The following PDE3A variants were observed in gnomAD, a reference collection of about 807,000 sequenced individuals.
PDE3A encodes phosphodiesterase 3A.
A neutral mutation model predicts 98.3 loss-of-function variants in PDE3A; 43 were observed. The ratio of observed to expected loss-of-function variants is 0.44; its 90% CI spans 0.34 to 0.56. The LOEUF is 0.56. PDE3A is among the 20% of genes least tolerant of loss of function. The pLI, the probability that PDE3A is intolerant of heterozygous loss-of-function variation, is 0.01. For synonymous variants in PDE3A, 663 were observed against 567.9 expected, an observed-to-expected ratio of 1.17 and a Z score of -2.38; for missense variants, 1,427 against 1,440.7, an observed-to-expected ratio of 0.99 and a Z score of 0.15.
At chr12:20,431,633 G>GCACACACACA (rs1274089406) in intron 1 of PDE3A, among the ~76,000 whole-genome samples, 1 of 147,366 alleles carries the variant, frequency 6.8e-6, no homozygotes, top group African/African-American at 2.5e-5. Flanking sequence ...GCACACACAC[G>GCACACACACA]CACGCACAAA....
At chr12:20,391,251 C>G (rs983926320) in intron 1 of PDE3A, among the ~76,000 whole-genome samples, 4 of 151,322 alleles carry the variant, frequency 2.6e-5, no homozygotes, top group African/African-American at 9.7e-5. Context: ...TAGATGCTTA[C>G]TATAGTTTGT....
intron 1 of PDE3A, among the ~76,000 whole-genome samples, chr12:20,400,705 A>G (rs1419135628): frequency 6.6e-6 from 1 of 152,174 alleles, no homozygotes; most frequent in Non-Finnish European, 1.5e-5. Context: ...GGCGTGAGCC[A>G]CTGCGCCCGG....
intron 1 of PDE3A, among the ~76,000 whole-genome samples, chr12:20,440,882 A>G (rs1944859394): frequency 6.6e-6 from 1 of 151,334 alleles, no homozygotes; most frequent in South Asian, 2.1e-4. Context: ...CCATTTTAGA[A>G]TGACTTCACC....
intron 1 of PDE3A, among the ~76,000 whole-genome samples, chr12:20,373,379 T>G (rs942123643): frequency 5.9e-5 from 9 of 152,238 alleles, no homozygotes; most frequent in Non-Finnish European, 1.3e-4. Flanking sequence ...AACATGGGAA[T>G]ATACAGAGGT....
chr12:20,506,099 GGTGTGT>G (rs56148951), intron 1 of PDE3A, among the ~76,000 whole-genome samples: 41,748 of 148,788 alleles, frequency 0.28, 6,464 homozygotes, highest in East Asian at 0.54. Flanking sequence ...TCTAAAGGAA[GGTGTGT>G]GTGTGTGTGT....
intron 1 of PDE3A, among the ~76,000 whole-genome samples, chr12:20,477,477 C>CT (rs575554065): frequency 8.6e-5 from 13 of 151,222 alleles, no homozygotes; most frequent in Admixed American, 1.3e-4. Flanking sequence ...TTGTTAAATA[C>CT]TTTTTTTTTG....
intron 1 of PDE3A, among the ~76,000 whole-genome samples, chr12:20,541,071 CTTTCTTTTTTTTTTTT>C (rs1941889478): frequency 1.3e-5 from 1 of 77,096 alleles, no homozygotes; most frequent in Non-Finnish European, 2.6e-5. Flanking sequence ...ACATTGGTAA[CTTTCTTTTTTTTTTTT>C]TTTTTTTTTT....
chr12:20,617,325 T>C (rs1398064160), intron 4 of PDE3A, among the ~76,000 whole-genome samples: 2 of 152,130 alleles, frequency 1.3e-5, no homozygotes, highest in African/African-American at 2.4e-5. Flanking sequence ...AATTTTTAAT[T>C]GGTTTCTTCC....
intron 1 of PDE3A, among the ~76,000 whole-genome samples, chr12:20,505,776 G>A (rs1002954857): frequency 1.3e-4 from 20 of 152,034 alleles, no homozygotes; most frequent in African/African-American, 4.8e-4. Flanking sequence ...TAATGAGGAA[G>A]TCTTCAGGAC....
intron 1 of PDE3A, among the ~76,000 whole-genome samples, chr12:20,493,293 C>T (rs1055017369): frequency 6.6e-6 from 1 of 152,088 alleles, no homozygotes; most frequent in Non-Finnish European, 1.5e-5. Context: ...CCCTCTGTAT[C>T]TGTGTGTTCT....
chr12:20,440,906 A>T (rs1318932570), intron 1 of PDE3A, among the ~76,000 whole-genome samples: 1 of 84,018 alleles, frequency 1.2e-5, no homozygotes, highest in Non-Finnish European at 2.3e-5. Context: ...CTCACCTTTG[A>T]TTATTTATGA....
At chr12:20,535,263 A>G (rs1163583522) in intron 1 of PDE3A, among the ~76,000 whole-genome samples, 2 of 152,162 alleles carry the variant, frequency 1.3e-5, no homozygotes, top group African/African-American at 4.8e-5. Context: ...CATACCTTAA[A>G]ACCCAACTCA....
chr12:20,475,379 A>G (rs540172271), intron 1 of PDE3A, among the ~76,000 whole-genome samples: 3 of 152,288 alleles, frequency 2.0e-5, no homozygotes, highest in African/African-American at 7.2e-5. Flanking sequence ...TTTTAAAAAC[A>G]AAAAGATACG....
chr12:20,449,212 A>C (rs2120878730), intron 1 of PDE3A, among the ~76,000 whole-genome samples: 1 of 152,356 alleles, frequency 6.6e-6, no homozygotes, highest in African/African-American at 2.4e-5. Flanking sequence ...AGATTGGAAT[A>C]TAGAGGAATC....
At chr12:20,401,992 G>T (rs1307044394) in intron 1 of PDE3A, among the ~76,000 whole-genome samples, 1 of 152,142 alleles carries the variant, frequency 6.6e-6, no homozygotes, top group East Asian at 1.9e-4. Context: ...GGAATTTGGT[G>T]ATTATCCCCA....
intron 2 of PDE3A, among the ~76,000 whole-genome samples, chr12:20,592,241 C>T (rs568527168): frequency 2.0e-5 from 3 of 152,060 alleles, no homozygotes; most frequent in African/African-American, 7.2e-5. Flanking sequence ...GTCTTAAAAG[C>T]ATATGGAATG....
At chr12:20,669,668 C>G (rs939768841) in intron 15 of PDE3A, among the ~76,000 whole-genome samples, 2 of 151,776 alleles carry the variant, frequency 1.3e-5, no homozygotes, top group Non-Finnish European at 2.9e-5. Context: ...TTGTCACCAC[C>G]AGGCCTGCCC....
chr12:20,554,752 A>C (rs1942323257), intron 1 of PDE3A, among the ~76,000 whole-genome samples: 1 of 151,704 alleles, frequency 6.6e-6, no homozygotes, highest in Non-Finnish European at 1.5e-5. Flanking sequence ...ACGCCCACCT[A>C]ATTTTTGTAT....
chr12:20,478,757 G>A (rs1945572277), intron 1 of PDE3A, among the ~76,000 whole-genome samples: 1 of 152,016 alleles, frequency 6.6e-6, no homozygotes, highest in African/African-American at 2.4e-5. Flanking sequence ...ATTAAGTCAG[G>A]ACAATGTCAA....
Sources: gnomAD v4.1 joint callset for allele counts (sites outside exome capture counted in the v4.1 genomes callset) on GRCh38, gnomAD v4.1.1 for gene constraint, MANE v1.5 for transcripts, NCBI Gene and HGNC (gene_info 2026-07-23, HGNC 2026-07-21) for gene names.